XPO4: variants seen among roughly 807,000 people sequenced by gnomAD.
XPO4 encodes the protein exportin-4.
In XPO4, 39 loss-of-function variants were observed where a neutral mutation model predicts 143.0. That is an observed-to-expected ratio of 0.27 (90% confidence interval 0.21 to 0.36). The LOEUF is 0.36. Ranked by LOEUF, XPO4 falls within the 10% of genes least tolerant of loss-of-function variation. The pLI, the probability that XPO4 is intolerant of heterozygous loss-of-function variation, is 1.00. For missense variants in XPO4, 907 were observed against 1,348.0 expected (o/e 0.67, Z 5.12); for synonymous variants, 439 against 474.0 (o/e 0.93, Z 0.96).
chr13:20,870,039 G>C (rs2060279862), intron 1 of XPO4, among the ~76,000 whole-genome samples: 1 of 145,930 alleles, frequency 6.9e-6, no homozygotes, highest in Non-Finnish European at 1.5e-5. Flanking sequence ...GGCAGAGGTT[G>C]CAGTGAGCTG....
intron 22 of XPO4, 40 bp downstream of exon 22, chr13:20,786,925 A>G: frequency 6.7e-7 from 1 of 1,499,924 alleles, no homozygotes; most frequent in East Asian, 2.5e-5. Context: ...TTTGCAAAAT[A>G]GAATGAGAAG....
chr13:20,799,868 T>A (rs2059409774), intron 15 of XPO4, among the ~76,000 whole-genome samples: 1 of 152,194 alleles, frequency 6.6e-6, no homozygotes, highest in South Asian at 2.1e-4. Flanking sequence ...ATATTCCACA[T>A]AAAAGTGTTT....
intron 9 of XPO4, among the ~76,000 whole-genome samples, chr13:20,819,739 G>A (rs1413394009): frequency 6.6e-6 from 1 of 152,112 alleles, no homozygotes; most frequent in African/African-American, 2.4e-5. Context: ...ACAATTACTG[G>A]GTGCCCAAGA....
intron 1 of XPO4, among the ~76,000 whole-genome samples, chr13:20,886,562 G>A (rs2060463356): frequency 1.3e-5 from 2 of 151,994 alleles, no homozygotes; most frequent in Admixed American, 1.3e-4. Flanking sequence ...CAAGACTGCA[G>A]AGGTCACGCT....
intron 1 of XPO4, among the ~76,000 whole-genome samples, chr13:20,878,202 T>G (rs992494143): frequency 2.6e-5 from 4 of 152,084 alleles, no homozygotes; most frequent in African/African-American, 9.7e-5. Flanking sequence ...TTTGGGGAAG[T>G]TTGGGGTATC....
At chr13:20,893,562 A>ACT (rs1191132174) in intron 1 of XPO4, among the ~76,000 whole-genome samples, 4 of 151,698 alleles carry the variant, frequency 2.6e-5, no homozygotes, top group Non-Finnish European at 5.9e-5. Context: ...ACATGGTGAA[A>ACT]CTCCCTCACA....
At position 20,782,878 on chromosome 13, in the gene XPO4, T is replaced by A. The variant is rs923732857; in HGVS notation, c.*844A>T. ...TAAGGTTATTTTTACGGAACAAAAA[T>A]ATACATGTATTTTCCTCCTCAAGTT... On this transcript the variant is annotated 3_prime_UTR_variant, in exon 23 of 23. Coordinates refer to ENST00000255305, the MANE Select transcript of XPO4 (RefSeq NM_022459.5). 1 of 152,524 alleles carries A rather than the reference T, an allele frequency of 6.6e-6. No individual in the cohort carries two copies. Among genetic ancestry groups the A allele is most frequent in the African/African-American group, 2.4e-5 (1 of 41,396 alleles). The allele number at this position is 152,524 out of a possible 1,614,324, so 9.4% of individuals were successfully genotyped here. A position where few individuals can be genotyped will look rare whatever the true frequency, so the allele number is the denominator to read the frequency against.
chr13:20,871,097 C>T (rs1251364659), intron 1 of XPO4, among the ~76,000 whole-genome samples: 2 of 152,168 alleles, frequency 1.3e-5, no homozygotes, highest in African/African-American at 4.8e-5. Context: ...TGTAAGCCAT[C>T]GTGCCCGGCC....
intron 16 of XPO4, among the ~76,000 whole-genome samples, chr13:20,797,638 G>A (rs2059375597): frequency 6.6e-6 from 1 of 152,138 alleles, no homozygotes; most frequent in Admixed American, 6.5e-5. Context: ...TGGATTTGAA[G>A]TCACAAACAA....
chr13:20,787,054 C>T lies in XPO4; in HGVS notation c.3169G>A (p.Val1057Ile). Residue 1057 changes from valine to isoleucine, a missense_variant, in exon 22 of 23, where the codon GTT (valine) becomes ATT (isoleucine). Val to Ile is a conservative substitution (Grantham distance 29). Transcript: ENST00000255305. ...TTTTGCAAAACCAGCATATCAAAAACCAGCTGAAATTACATAAGACTTCTA... is the reference window on the plus strand; with the variant it reads ...TTTTGCAAAACCAGCATATCAAAAATCAGCTGAAATTACATAAGACTTCTA... ...FLATRHFLKL[V>I]FDMLVLQKHN... 6.4e-7 allele frequency: 1 copy of T among 1,561,278 alleles called. No homozygotes were observed.
At chr13:20,819,048 C>A (rs965625566) in intron 9 of XPO4, among the ~76,000 whole-genome samples, 3 of 152,194 alleles carry the variant, frequency 2.0e-5, no homozygotes, top group African/African-American at 7.2e-5. Context: ...GTCTCGAACT[C>A]CTGACCTCAG....
At position 20,851,158 on chromosome 13, in the gene XPO4, A is replaced by G. The variant is rs1238702662; in HGVS notation, c.456+4469T>C. On this transcript the variant is annotated intron_variant, in intron 4 of 22. Coordinates refer to ENST00000255305, the MANE Select transcript of XPO4 (RefSeq NM_022459.5). ...CCACTTACAAATTCTTAACAGTCCA[A>G]GAAGAAGAGAGGATGATATAAGAAA... 6 of 985,304 alleles carry G rather than the reference A, an allele frequency of 6.1e-6. No individual in the cohort carries two copies. In the African/African-American group the frequency reaches 1.0e-4, roughly 17 times the overall value. 61.0% of individuals were successfully genotyped at this position (985,304 alleles called of 1,614,324 possible). A position where few individuals can be genotyped will look rare whatever the true frequency, so the allele number is the denominator to read the frequency against.
At chr13:20,865,116 G>A (rs2138127933) in intron 2 of XPO4, among the ~76,000 whole-genome samples, 1 of 150,614 alleles carries the variant, frequency 6.6e-6, no homozygotes, top group Middle Eastern at 3.4e-3. Context: ...GGGTTTTCAT[G>A]AAGAACTCAC....
At chr13:20,790,752 C>A (rs796427116) in intron 18 of XPO4, among the ~76,000 whole-genome samples, 172 bp from the exon 19 acceptor site, 1 of 152,072 alleles carries the variant, frequency 6.6e-6, no homozygotes, top group African/African-American at 2.4e-5. Flanking sequence ...ATGGAGGAGA[C>A]AGCACATCCA....
At chr13:20,877,297 T>C (rs2060361904) in intron 1 of XPO4, among the ~76,000 whole-genome samples, 1 of 152,208 alleles carries the variant, frequency 6.6e-6, no homozygotes, top group Non-Finnish European at 1.5e-5. Flanking sequence ...AGACCCTAAT[T>C]TTATTTGCTC....
At chr13:20,853,604 G>T (rs1236922558) in intron 4 of XPO4, among the ~76,000 whole-genome samples, 2 of 151,960 alleles carry the variant, frequency 1.3e-5, no homozygotes, top group Non-Finnish European at 2.9e-5. Context: ...AGAATGTAAA[G>T]ATTCAAACAT....
chr13:20,863,113 A>T, intron 2 of XPO4: 1 of 1,145,726 alleles, frequency 8.7e-7, no homozygotes, highest in Non-Finnish European at 1.1e-6. Context: ...TTACTTCCAA[A>T]GCATGAAGAA....
chr13:20,876,027 A>G (rs947935309), intron 1 of XPO4, among the ~76,000 whole-genome samples: 18 of 150,468 alleles, frequency 1.2e-4, no homozygotes, highest in African/African-American at 4.4e-4. Context: ...AGGCAGGTGG[A>G]TCACCTGAGA....
At chr13:20,865,971 T>C in intron 2 of XPO4, 6 of 931,038 alleles carry the variant, frequency 6.4e-6, no homozygotes, top group Non-Finnish European at 6.4e-6. Context: ...TGTTTTGTTT[T>C]GGCACTTGTG....
Sources: allele counts gnomAD v4.1 joint callset (sites outside exome capture counted in the v4.1 genomes callset), GRCh38; gene constraint gnomAD v4.1.1; transcripts MANE v1.5; gene names NCBI Gene and HGNC (gene_info 2026-07-23, HGNC 2026-07-21).